Variants in DMRT1 observed in about 807,000 individuals in gnomAD.
The protein encoded by DMRT1 is doublesex and mab-3 related transcription factor 1, also known as doublesex- and mab-3-related transcription factor 1.
In DMRT1, 7 loss-of-function variants were observed where a neutral mutation model predicts 32.3. The ratio of observed to expected loss-of-function variants is 0.22; its 90% CI spans 0.12 to 0.41. DMRT1 has a LOEUF of 0.41. Among genes scored for constraint, DMRT1 ranks in the 10% least tolerant of loss-of-function variants. DMRT1 has a pLI of 1.00. For missense variants in DMRT1, 625 were observed against 500.5 expected (o/e 1.25, Z -2.37); for synonymous variants, 278 against 206.1 (o/e 1.35, Z -2.99).
intron 4 of DMRT1, among the ~76,000 whole-genome samples, chr9:919,181 T>C (rs1818278127): frequency 6.6e-6 from 1 of 152,250 alleles, no homozygotes; most frequent in Non-Finnish European, 1.5e-5. Context: ...TGTAAGTTAT[T>C]ATTTATTCTA....
intron 3 of DMRT1, among the ~76,000 whole-genome samples, chr9:900,199 G>A (rs10815995): frequency 0.64 from 97,549 of 151,624 alleles, 31,544 homozygotes; most frequent in South Asian, 0.67. Flanking sequence ...CTGGCATCTG[G>A]AGCTTGAAGC....
chr9:914,532 C>T (rs1818106328), intron 3 of DMRT1, among the ~76,000 whole-genome samples: 1 of 133,766 alleles, frequency 7.5e-6, no homozygotes, highest in South Asian at 2.5e-4. Context: ...CAATATCATG[C>T]CACTGCAGTC....
intron 2 of DMRT1, among the ~76,000 whole-genome samples, chr9:890,085 GTTTTTTTTTT>G (rs35228255): frequency 9.7e-6 from 1 of 103,002 alleles, no homozygotes; most frequent in African/African-American, 3.8e-5. Flanking sequence ...CACCAAACGT[GTTTTTTTTTT>G]TTTTTTTTTT....
intron 4 of DMRT1, among the ~76,000 whole-genome samples, chr9:951,655 C>T (rs1819430989): frequency 6.6e-6 from 1 of 152,172 alleles, no homozygotes; most frequent in African/African-American, 2.4e-5. Context: ...CTTTGAAGAG[C>T]TCCAAGCAAT....
intron 2 of DMRT1, among the ~76,000 whole-genome samples, chr9:869,721 C>T (rs865786025): frequency 6.6e-6 from 1 of 152,046 alleles, no homozygotes; most frequent in African/African-American, 2.4e-5. Context: ...TTTTCAATCC[C>T]CGAGAATTTA....
chr9:897,073 GT>G (rs1193963411), intron 3 of DMRT1, among the ~76,000 whole-genome samples: 1 of 145,486 alleles, frequency 6.9e-6, no homozygotes, highest in Non-Finnish European at 1.5e-5. Flanking sequence ...TTCTTCATAC[GT>G]TTTATTTTTG....
intron 4 of DMRT1, among the ~76,000 whole-genome samples, chr9:940,422 T>G (rs1819025218): frequency 6.6e-6 from 1 of 152,174 alleles, no homozygotes; most frequent in African/African-American, 2.4e-5. Flanking sequence ...GGTCAAATGA[T>G]TTTTGACCAG....
rs576322290 is a variant in DMRT1 at position 922,338 on chromosome 9, G to A, written c.967+5431G>A. On this transcript the variant is annotated intron_variant, in intron 4 of 4. Transcript: ENST00000382276. ...CACTTGTCTAGTGCCCAGATGGAGG[G>A]TTGGCTTATATAAGAATGTGGCCAC... 2.6e-5 allele frequency among the ~76,000 whole-genome samples: 4 copies of A among 152,326 alleles called. No homozygotes were observed. The South Asian group carries it at 8.3e-4, about 32-fold the overall frequency.
chr9:948,338 A>G lies in DMRT1; in HGVS notation c.968-19647A>G, dbSNP rs566977190. Among the ~76,000 whole-genome samples the G allele has an allele frequency of 2.0e-5, 3 of 152,202 alleles. No individual in the cohort carries two copies. The South Asian group carries it at 6.2e-4, about 32-fold the overall frequency. On this transcript the variant is annotated intron_variant, in intron 4 of 4. Transcript: ENST00000382276. ...GCAAAGTTTTTATATTAGGAAGATT[A>G]TTTGGCCCATTTTTTCTCCTCTCCT...
chr9:861,438 A>G (rs1289874884), intron 2 of DMRT1, among the ~76,000 whole-genome samples: 2 of 152,214 alleles, frequency 1.3e-5, no homozygotes, highest in Non-Finnish European at 2.9e-5. Flanking sequence ...CTAGTACAGA[A>G]CAAAATGGAG....
rs1056297742 is a variant in DMRT1 at position 842,342 on chromosome 9, C to G, written c.354+150C>G. 5.8e-6 allele frequency: 6 copies of G among 1,034,156 alleles called. No individual in the cohort carries two copies. The Middle Eastern group carries it at 9.6e-4, about 165-fold the overall frequency. 64.1% of individuals were successfully genotyped at this position (1,034,156 alleles called of 1,614,324 possible). A position where few individuals can be genotyped will look rare whatever the true frequency, so the allele number is the denominator to read the frequency against. ...CTCCGCTTCCCGGGTTCAAGCAATTCTCCTGCCTCAGCCTCCCAAGTAGCT... is the reference window on the plus strand; with the variant it reads ...CTCCGCTTCCCGGGTTCAAGCAATTGTCCTGCCTCAGCCTCCCAAGTAGCT... On this transcript the variant is annotated intron_variant, in intron 1 of 4. Coordinates refer to ENST00000382276, the MANE Select transcript of DMRT1 (RefSeq NM_021951.3).
intron 4 of DMRT1, among the ~76,000 whole-genome samples, chr9:954,118 C>A (rs1391276449): frequency 6.6e-6 from 1 of 152,080 alleles, no homozygotes; most frequent in Admixed American, 6.6e-5. Flanking sequence ...GTGCAGGCAT[C>A]TGGAGCAGGA....
intron 2 of DMRT1, among the ~76,000 whole-genome samples, chr9:859,188 C>A (rs1411556087): frequency 6.6e-6 from 1 of 152,102 alleles, no homozygotes; most frequent in Non-Finnish European, 1.5e-5. Flanking sequence ...TCTCTTAACT[C>A]CCAAATGTTT....
intron 4 of DMRT1, among the ~76,000 whole-genome samples, chr9:939,047 T>C (rs1818976540): frequency 1.3e-5 from 2 of 152,220 alleles, no homozygotes; most frequent in Non-Finnish European, 2.9e-5. Context: ...GTTGCCCCAC[T>C]CCATAGCCTT....
At chr9:956,364 A>G (rs1819599683) in intron 4 of DMRT1, among the ~76,000 whole-genome samples, 1 of 152,166 alleles carries the variant, frequency 6.6e-6, no homozygotes. Flanking sequence ...GTGGTTGTGA[A>G]TGTACTTCAA....
chr9:899,502 G>C (rs1451259137), intron 3 of DMRT1, among the ~76,000 whole-genome samples: 1 of 152,178 alleles, frequency 6.6e-6, no homozygotes, highest in Non-Finnish European at 1.5e-5. Context: ...CCTGCTGAGA[G>C]CTGCTTTTAA....
chr9:935,034 G>A (rs940345153), intron 4 of DMRT1, among the ~76,000 whole-genome samples: 18 of 152,152 alleles, frequency 1.2e-4, no homozygotes, highest in African/African-American at 4.1e-4. Flanking sequence ...CCAGGGAAGG[G>A]AATCCTCCAA....
At chr9:882,987 G>C (rs977992666) in intron 2 of DMRT1, among the ~76,000 whole-genome samples, 33 of 151,682 alleles carry the variant, frequency 2.2e-4, no homozygotes, top group South Asian at 4.2e-4. Flanking sequence ...GGCCAGGCTG[G>C]TTTCGAACTC....
chr9:886,987 G>C, intron 2 of DMRT1, among the ~76,000 whole-genome samples: 1 of 152,278 alleles, frequency 6.6e-6, no homozygotes, highest in South Asian at 2.1e-4. Context: ...GCATCAAAAG[G>C]GAATCTGGAT....
Sources: gnomAD v4.1 joint callset for allele counts (sites outside exome capture counted in the v4.1 genomes callset) on GRCh38, gnomAD v4.1.1 for gene constraint, MANE v1.5 for transcripts, NCBI Gene and HGNC (gene_info 2026-07-23, HGNC 2026-07-21) for gene names.